Variants in TRIM37 observed in about 807,000 individuals in gnomAD.
TRIM37 encodes E3 ubiquitin-protein ligase TRIM37.
A neutral mutation model predicts 129.8 loss-of-function variants in TRIM37; 80 were observed. That is an observed-to-expected ratio of 0.62 (90% CI 0.51 to 0.74). The LOEUF is 0.74. Ranked by LOEUF, TRIM37 falls within the 30% of genes least tolerant of loss-of-function variation. The pLI, the probability that TRIM37 is intolerant of heterozygous loss-of-function variation, is 0.00. For synonymous variants in TRIM37, 389 were observed against 387.1 expected (o/e 1.00, Z -0.06); for missense variants, 1,054 against 1,176.5 (o/e 0.90, Z 1.52).
At chr17:59,067,066 G>A (rs2041971836) in intron 9 of TRIM37, among the ~76,000 whole-genome samples, 1 of 152,098 alleles carries the variant, frequency 6.6e-6, no homozygotes, top group Non-Finnish European at 1.5e-5. Flanking sequence ...TTGAGACGCA[G>A]TCTCGCTCTG....
intron 6 of TRIM37, 73 bp from the exon 7 acceptor site, chr17:59,079,950 G>T: frequency 6.7e-7 from 1 of 1,499,568 alleles, no homozygotes; most frequent in Non-Finnish European, 9.2e-7. Context: ...TTATAATATT[G>T]CCAAGAATAG....
chr17:59,095,321 T>C (rs2044748132), intron 2 of TRIM37, among the ~76,000 whole-genome samples: 2 of 152,098 alleles, frequency 1.3e-5, no homozygotes, highest in African/African-American at 4.8e-5. Context: ...TGAAGTAATT[T>C]ATGCTGAATG....
At chr17:59,100,923 G>A (rs1360110182) in intron 2 of TRIM37, among the ~76,000 whole-genome samples, 1 of 151,612 alleles carries the variant, frequency 6.6e-6, no homozygotes, top group Non-Finnish European at 1.5e-5. Context: ...TTGGGAGGCT[G>A]AGGCAGGAGA....
chr17:58,982,341 C>T (rs2031405708), downstream of TRIM37: 1 of 152,254 alleles, frequency 6.6e-6, no homozygotes, highest in Non-Finnish European at 1.5e-5. Flanking sequence ...CAGATTCATT[C>T]ATTCAGTGAA....
chr17:59,106,825 T>G lies in TRIM37; in HGVS notation c.-364A>C. ...CAGCGAAGAAGGTGCCGCAGAGAAT[T>G]CGCAAACACCAACCGTAACCAGAGC... On this transcript the variant is annotated 5_prime_UTR_variant, in exon 1 of 24. Coordinates refer to ENST00000262294, the MANE Select transcript of TRIM37 (RefSeq NM_015294.6). The G allele has an allele frequency of 2.2e-6, 1 of 456,524 alleles. No individual in the cohort carries two copies. The highest frequency in any genetic ancestry group is 4.0e-6 in the Non-Finnish European group (1 of 251,890). The allele number at this position is 456,524 out of a possible 1,614,324, so 28.3% of individuals were successfully genotyped here. A position where few individuals can be genotyped will look rare whatever the true frequency, so the allele number is the denominator to read the frequency against.
At chr17:59,012,822 G>A (rs909604354) in intron 21 of TRIM37, among the ~76,000 whole-genome samples, 1 of 151,582 alleles carries the variant, frequency 6.6e-6, no homozygotes, top group Non-Finnish European at 1.5e-5. Flanking sequence ...GTTGCAGTGA[G>A]CCGAGGTTGC....
chr17:59,057,143 T>C lies in TRIM37; in HGVS notation c.1020-89A>G, dbSNP rs540466515. 2.6e-6 allele frequency: 3 copies of C among 1,132,818 alleles called. No individual in the cohort carries two copies. The East Asian group carries it at 7.3e-5, about 27-fold the overall frequency. The allele number at this position is 1,132,818 out of a possible 1,614,324, so 70.2% of individuals were successfully genotyped here. ...CTAAACATTAAGGTCACTAAGTAAT[T>C]ACCTGAGAAGAAACCTTATTGATAT... On this transcript the variant is annotated intron_variant, in intron 12 of 23. Transcript: ENST00000262294.
intron 19 of TRIM37, among the ~76,000 whole-genome samples, chr17:59,025,320 C>A (rs2037111787): frequency 6.6e-6 from 1 of 151,230 alleles, no homozygotes; most frequent in Non-Finnish European, 1.5e-5. Context: ...TTTTATTAAC[C>A]TGGGAGTTAA....
intron 7 of TRIM37, among the ~76,000 whole-genome samples, chr17:59,078,791 T>C (rs1466819642): frequency 6.6e-6 from 1 of 152,212 alleles, no homozygotes; most frequent in Non-Finnish European, 1.5e-5. Flanking sequence ...ACTGGGTGGA[T>C]GAACTGTGCT....
intron 1 of TRIM37, 34 bp from the exon 2 acceptor site, chr17:59,104,428 T>C (rs371760341): frequency 1.6e-4 from 248 of 1,585,050 alleles, no homozygotes; most frequent in Middle Eastern, 5.0e-4. Flanking sequence ...GTCCACCAGT[T>C]TAGGCTACTG....
chr17:58,989,766 G>A (rs2032174276), intron 24 of TRIM37, among the ~76,000 whole-genome samples: 1 of 152,134 alleles, frequency 6.6e-6, no homozygotes, highest in African/African-American at 2.4e-5. Flanking sequence ...TGTAAAATAT[G>A]CACAACTAGA....
chr17:59,084,508 A>G (rs954266272), intron 4 of TRIM37, among the ~76,000 whole-genome samples: 1 of 152,320 alleles, frequency 6.6e-6, no homozygotes, highest in African/African-American at 2.4e-5. Flanking sequence ...ATCAAGACAC[A>G]TGATTAACTG....
At chr17:59,020,107 T>C (rs2036410815) in intron 19 of TRIM37, among the ~76,000 whole-genome samples, 1 of 151,300 alleles carries the variant, frequency 6.6e-6, no homozygotes, top group African/African-American at 2.4e-5. Context: ...GGCACACACC[T>C]GTAATCCCAG....
intron 5 of TRIM37, among the ~76,000 whole-genome samples, chr17:59,081,964 A>AAAAAAAAAAAAAAAAAAAAAAAAATAAT (rs1568200247): frequency 1.1e-5 from 1 of 87,228 alleles, no homozygotes; most frequent in Non-Finnish European, 2.2e-5. Flanking sequence ...AAAAAAAAAA[A>AAAAAAAAAAAAAAAAAAAAAAAAATAAT]AATAATAATA....
rs559603542 is a variant in TRIM37 at position 59,034,559 on chromosome 17, A to C, written c.1754-2469T>G. On this transcript the variant is annotated intron_variant, in intron 17 of 23. Transcript: ENST00000262294. Reference sequence around the variant, plus strand: ...TTTTTAGTAGAGACGGGGTTTCTCCATGTTGGTTAGGCTGGCCTTAGAACT... The same window carrying C: ...TTTTTAGTAGAGACGGGGTTTCTCCCTGTTGGTTAGGCTGGCCTTAGAACT... Among the ~76,000 whole-genome samples the C allele has an allele frequency of 9.9e-5, 15 of 151,860 alleles. No individual in the cohort carries two copies. In the South Asian group the frequency reaches 3.1e-3, roughly 32 times the overall value.
chr17:59,058,230 C>CATGG (rs2041151931), intron 12 of TRIM37, among the ~76,000 whole-genome samples: 1 of 152,092 alleles, frequency 6.6e-6, no homozygotes, highest in East Asian at 1.9e-4. Context: ...TTTTGTGCAA[C>CATGG]ATGGATGGAT....
At chr17:58,967,593 T>G in the TRIM37 span, among the ~76,000 whole-genome samples, 1 of 151,570 alleles carries the variant, frequency 6.6e-6, no homozygotes, top group Non-Finnish European at 1.5e-5. Flanking sequence ...GATATTTCCT[T>G]TGTTATTAGT....
At chr17:59,045,316 G>A (rs1024710141) in intron 16 of TRIM37, among the ~76,000 whole-genome samples, 5 of 151,022 alleles carry the variant, frequency 3.3e-5, no homozygotes, top group African/African-American at 9.8e-5. Context: ...GGGACAGAGC[G>A]AGACTCCGTT....
In TRIM37 at chr17:59,081,948, AAAAAT is replaced by A. The variant is rs1189411561; in HGVS notation, c.370-734_370-730del. Reference sequence around the variant, plus strand: ...TTAATAATAAAAACCAAAAAAAAAAAAAAATAAAAAAAAAAAAATAATAATAATAA... The same window carrying A: ...TTAATAATAAAAACCAAAAAAAAAAAAAAAAAAAAAAAATAATAATAATAA... On this transcript the variant is annotated intron_variant, in intron 5 of 23. Transcript: ENST00000262294. 6.5e-3 allele frequency among the ~76,000 whole-genome samples: 804 copies of A among 123,188 alleles called. 9 individuals are homozygous for A. Among genetic ancestry groups the A allele is most frequent in the African/African-American group, 8.7e-3 (260 of 29,954 alleles). The allele number at this position is 123,188 out of a possible 152,430, so 80.8% of individuals were successfully genotyped here. A position where few individuals can be genotyped will look rare whatever the true frequency, so the allele number is the denominator to read the frequency against.
Sources: gnomAD v4.1 joint callset for allele counts (sites outside exome capture counted in the v4.1 genomes callset) on GRCh38, gnomAD v4.1.1 for gene constraint, MANE v1.5 for transcripts, NCBI Gene and HGNC (gene_info 2026-07-23, HGNC 2026-07-21) for gene names.